PTPRM: variants seen among roughly 807,000 people sequenced by gnomAD.
PTPRM encodes protein tyrosine phosphatase receptor type M.
PTPRM carries 47 observed loss-of-function variants against 186.7 expected under a neutral mutation model. The observed-to-expected ratio is 0.25, with a 90% CI of 0.20 to 0.32. The LOEUF (loss-of-function observed/expected upper bound fraction) is 0.32, where lower values mean the gene tolerates loss of function less well. Among genes scored for constraint, PTPRM ranks in the 10% least tolerant of loss-of-function variants. The probability of loss-of-function intolerance (pLI) is 1.00; values close to 1 mark genes in which losing one functional copy is unlikely to be tolerated. For synonymous variants in PTPRM, 668 were observed against 674.9 expected (o/e 0.99, Z 0.16); for missense variants, 1,494 against 1,865.0 (o/e 0.80, Z 3.66).
At chr18:8,158,904 C>T (rs770014008) in intron 14 of PTPRM, among the ~76,000 whole-genome samples, 10 of 152,122 alleles carry the variant, frequency 6.6e-5, no homozygotes, top group Non-Finnish European at 1.5e-4. Flanking sequence ...TTAAACCATT[C>T]AAAAGGGATC....
intron 14 of PTPRM, among the ~76,000 whole-genome samples, chr18:8,150,608 G>A (rs1365840410): frequency 6.6e-6 from 1 of 152,074 alleles, no homozygotes; most frequent in African/African-American, 2.4e-5. Context: ...CTTTAGCTTG[G>A]AGGAGTTTGT....
At chr18:7,703,523 G>C (rs950540990) in intron 1 of PTPRM, among the ~76,000 whole-genome samples, 2 of 152,178 alleles carry the variant, frequency 1.3e-5, no homozygotes, top group Non-Finnish European at 2.9e-5. Context: ...CATTGATTTT[G>C]TATCTTGAGA....
chr18:7,983,620 A>G (rs1568126986), intron 7 of PTPRM, among the ~76,000 whole-genome samples: 1 of 152,120 alleles, frequency 6.6e-6, no homozygotes, highest in Non-Finnish European at 1.5e-5. Context: ...GGCACACTGT[A>G]GAAGCCCAGG....
intron 31 of PTPRM, among the ~76,000 whole-genome samples, chr18:8,389,652 C>A (rs2095798979): frequency 6.6e-6 from 1 of 152,230 alleles, no homozygotes; most frequent in Non-Finnish European, 1.5e-5. Context: ...GAGACCTAGG[C>A]CTGGTGAGAA....
At chr18:7,679,581 C>G (rs1365632114) in intron 1 of PTPRM, among the ~76,000 whole-genome samples, 3 of 152,194 alleles carry the variant, frequency 2.0e-5, no homozygotes, top group Non-Finnish European at 4.4e-5. Context: ...ACGAGAATCA[C>G]TTGAACCCGG....
At chr18:8,038,008 C>T (rs2086442350) in intron 7 of PTPRM, among the ~76,000 whole-genome samples, 1 of 152,118 alleles carries the variant, frequency 6.6e-6, no homozygotes, top group Non-Finnish European at 1.5e-5. Flanking sequence ...TGTTTGACTG[C>T]TGTAATAGAC....
chr18:7,671,966 T>C (rs2039226623), intron 1 of PTPRM, among the ~76,000 whole-genome samples: 1 of 152,220 alleles, frequency 6.6e-6, no homozygotes, highest in African/African-American at 2.4e-5. Context: ...TAAACGTCGT[T>C]TCGTAGGGAA....
chr18:8,277,099 G>A (rs1010965998), intron 19 of PTPRM, among the ~76,000 whole-genome samples: 6 of 152,192 alleles, frequency 3.9e-5, no homozygotes, highest in Admixed American at 3.9e-4. Flanking sequence ...ACCATGCCTG[G>A]CTAATTTTTC....
intron 7 of PTPRM, among the ~76,000 whole-genome samples, chr18:8,027,493 C>T (rs1032458785): frequency 1.3e-5 from 2 of 152,134 alleles, no homozygotes; most frequent in Admixed American, 1.3e-4. Flanking sequence ...AGGGTAATAA[C>T]CTTCATAAGT....
intron 2 of PTPRM, among the ~76,000 whole-genome samples, chr18:7,844,380 T>C (rs1470840145): frequency 1.3e-5 from 2 of 152,152 alleles, no homozygotes; most frequent in East Asian, 3.9e-4. Flanking sequence ...GGTTCAAATA[T>C]GGAAGAGATA....
At chr18:8,360,370 G>A (rs2095589598) in intron 23 of PTPRM, among the ~76,000 whole-genome samples, 1 of 150,288 alleles carries the variant, frequency 6.7e-6, no homozygotes. Flanking sequence ...GAACGGGTCT[G>A]GACACACCTC....
chr18:8,167,068 T>A (rs2093334566), intron 14 of PTPRM, among the ~76,000 whole-genome samples: 1 of 152,174 alleles, frequency 6.6e-6, no homozygotes, highest in African/African-American at 2.4e-5. Context: ...TCTGCTCACT[T>A]AAGGTCAGGA....
In PTPRM at chr18:7,691,797, T is replaced by C. The variant is rs551500931; in HGVS notation, c.74-82352T>C. ...ACAAAAACAAAAAAACAATTGGTCATGGTGGCACATGCTCGTAGTCCAAGC... is the reference window on the plus strand; with the variant it reads ...ACAAAAACAAAAAAACAATTGGTCACGGTGGCACATGCTCGTAGTCCAAGC... On this transcript the variant is annotated intron_variant, in intron 1 of 32. Transcript: ENST00000580170. Among the ~76,000 whole-genome samples the C allele has an allele frequency of 4.6e-5, 7 of 152,188 alleles. No homozygotes were observed. In the East Asian group the frequency reaches 1.4e-3, roughly 29 times the overall value.
chr18:8,055,505 T>G (rs943526888), intron 7 of PTPRM, among the ~76,000 whole-genome samples: 3 of 152,228 alleles, frequency 2.0e-5, no homozygotes, highest in Non-Finnish European at 4.4e-5. Context: ...ACGTTAGCTG[T>G]TTTTAAAATT....
intron 2 of PTPRM, among the ~76,000 whole-genome samples, chr18:7,836,247 T>C (rs779978350): frequency 1.3e-5 from 2 of 152,170 alleles, no homozygotes; most frequent in Non-Finnish European, 2.9e-5. Context: ...CTTTTTTGTG[T>C]GTGTGTAAAC....
Position 8,197,538 on chromosome 18 carries a change from TTAGGAG to T in PTPRM, c.2301-46515_2301-46510del, listed in dbSNP as rs2093796320. ...AAAAGAAACAGAATTAAGAAGTTGC[TTAGGAG>T]TAGGCTTTTCTGTTTATTGGGAGTC... On this transcript the variant is annotated intron_variant, in intron 14 of 32. Transcript: ENST00000580170. Among the ~76,000 whole-genome samples the T allele has an allele frequency of 2.0e-5, 3 of 152,346 alleles. No homozygotes were observed. The South Asian group carries it at 6.2e-4, about 32-fold the overall frequency.
intron 15 of PTPRM, 65 bp downstream of exon 15, chr18:8,244,274 T>TTCAATTCC (rs1464022776): frequency 7.8e-7 from 1 of 1,285,902 alleles, no homozygotes; most frequent in Non-Finnish European, 1.0e-6. Context: ...CAGGTGGTAC[T>TTCAATTCC]AGGGGATTTC....
chr18:8,151,474 GC>G (rs200976824), intron 14 of PTPRM, among the ~76,000 whole-genome samples: 4,684 of 67,132 alleles, frequency 0.07, 128 homozygotes, highest in African/African-American at 0.17. Context: ...GCACCCCACC[GC>G]CCCCCCCCGC....
rs374147927 is a variant in PTPRM, at chr18:8,143,770, T to C, written c.2291T>C (p.Met764Thr). 6.2e-7 allele frequency: 1 copy of C among 1,613,976 alleles called. No individual in the cohort carries two copies. The highest frequency in any genetic ancestry group is 8.5e-7 in the Non-Finnish European group (1 of 1,179,976). ...ATATTTCTTGGAGTTGTGTTGGTAA[T>C]GAAGAAAAGGTGAGCTCCTAGCTGT... ...VIIFLGVVLV[M>T]KKRKLAKKRK... Residue 764 changes from methionine to threonine, a missense_variant, in exon 14 of 33, where the codon ATG becomes ACG. Met to Thr is a moderately conservative substitution (Grantham distance 81, BLOSUM62 -1). Coordinates refer to ENST00000580170, the MANE Select transcript of PTPRM (RefSeq NM_001105244.2).
Sources: gnomAD v4.1 joint callset for allele counts (sites outside exome capture counted in the v4.1 genomes callset) on GRCh38, gnomAD v4.1.1 for gene constraint, MANE v1.5 for transcripts, NCBI Gene and HGNC (gene_info 2026-07-23, HGNC 2026-07-21) for gene names.